Variants in RIMS2 observed in about 807,000 individuals in gnomAD.
RIMS2 encodes regulating synaptic membrane exocytosis 2, also known as regulating synaptic membrane exocytosis protein 2.
A neutral mutation model predicts 174.4 loss-of-function variants in RIMS2; 59 were observed. That is an observed-to-expected ratio of 0.34 (90% CI 0.27 to 0.42). The LOEUF (loss-of-function observed/expected upper bound fraction) is 0.42. RIMS2 is among the 10% of genes least tolerant of loss of function. The pLI, the probability that RIMS2 is intolerant of heterozygous loss-of-function variation, is 1.00. For missense variants in RIMS2, 1,620 were observed against 1,666.3 expected (o/e 0.97, Z 0.48); for synonymous variants, 606 against 572.5 (o/e 1.06, Z -0.84).
chr8:103,754,247 G>C (rs1409573597), intron 2 of RIMS2, among the ~76,000 whole-genome samples: 4 of 152,182 alleles, frequency 2.6e-5, no homozygotes, highest in Non-Finnish European at 5.9e-5. Flanking sequence ...TTTTGAGTGA[G>C]TTTCTTAATC....
At chr8:104,127,095 A>C (rs1224181266) in intron 19 of RIMS2, among the ~76,000 whole-genome samples, 1 of 152,188 alleles carries the variant, frequency 6.6e-6, no homozygotes, top group Non-Finnish European at 1.5e-5. Context: ...AAATGCAGGA[A>C]AATAAATAAT....
At chr8:103,558,541 GC>G (rs1490478585) in intron 1 of RIMS2, among the ~76,000 whole-genome samples, 1 of 152,068 alleles carries the variant, frequency 6.6e-6, no homozygotes, top group East Asian at 1.9e-4. Context: ...TTTATCTTTG[GC>G]CTTTTTAACC....
At chr8:103,766,109 T>C in intron 2 of RIMS2, 118 bp from the exon 6 acceptor site, 2 of 609,028 alleles carry the variant, frequency 3.3e-6, no homozygotes, top group Non-Finnish European at 5.8e-6. Flanking sequence ...ATTAGGATTA[T>C]GTTTTAACTT....
In RIMS2 at chr8:104,029,088, T is replaced by C. The variant is rs117683778; in HGVS notation, c.3334+14473T>C. Reference sequence around the variant, plus strand: ...GACCATATAGGGTAACTTCCTGACATTGCCATGCCATTTGTAAACTGAAAT... The same window carrying C: ...GACCATATAGGGTAACTTCCTGACACTGCCATGCCATTTGTAAACTGAAAT... On this transcript the variant is annotated intron_variant, in intron 19 of 23. Transcript: ENST00000504942. Among the ~76,000 whole-genome samples, 11 of 152,318 alleles carry C rather than the reference T, an allele frequency of 7.2e-5. No homozygotes were observed. The East Asian group carries it at 2.1e-3, about 29-fold the overall frequency.
intron 3 of RIMS2, among the ~76,000 whole-genome samples, chr8:103,787,936 A>G (rs1006371530): frequency 2.0e-5 from 3 of 152,152 alleles, no homozygotes; most frequent in Middle Eastern, 3.4e-3. Flanking sequence ...GTCTTTTCAC[A>G]TAGTCCCATA....
intron 3 of RIMS2, among the ~76,000 whole-genome samples, chr8:103,829,456 A>G (rs1051690925): frequency 6.6e-6 from 1 of 152,244 alleles, no homozygotes; most frequent in Non-Finnish European, 1.5e-5. Context: ...AAAGCATAGA[A>G]TCAACGTAGA....
At chr8:103,696,200 A>G (rs2097098762) in intron 1 of RIMS2, among the ~76,000 whole-genome samples, 1 of 152,018 alleles carries the variant, frequency 6.6e-6, no homozygotes, top group Non-Finnish European at 1.5e-5. Flanking sequence ...AAGTTTATTT[A>G]TATTTGCCTC....
chr8:104,200,508 T>C (rs935470347), intron 19 of RIMS2, among the ~76,000 whole-genome samples: 2 of 152,188 alleles, frequency 1.3e-5, no homozygotes, highest in African/African-American at 4.8e-5. Flanking sequence ...TAGTAAGGTC[T>C]AGGGCAAGGG....
chr8:104,068,501 C>T lies in RIMS2; in HGVS notation c.3334+53886C>T. 8.0e-7 allele frequency: 1 copy of T among 1,244,416 alleles called. No individual in the cohort carries two copies. Among genetic ancestry groups the T allele is most frequent in the Non-Finnish European group, 1.1e-6 (1 of 882,866 alleles). 77.1% of individuals were successfully genotyped at this position (1,244,416 alleles called of 1,614,324 possible). A position where few individuals can be genotyped will look rare whatever the true frequency, so the allele number is the denominator to read the frequency against. On this transcript the variant is annotated intron_variant, in intron 19 of 23. Coordinates refer to ENST00000504942, the Ensembl canonical transcript of RIMS2. ...GAACATTAATTTTATGGGTTTTTTT[C>T]TACTCGATAGGTACTATGGATATAG...
chr8:103,901,362 C>T (rs181436944), intron 4 of RIMS2, among the ~76,000 whole-genome samples: 50 of 152,198 alleles, frequency 3.3e-4, no homozygotes, highest in African/African-American at 1.1e-3. Flanking sequence ...TTCCATGCCT[C>T]AGGTTTCCCT....
intron 19 of RIMS2, chr8:104,223,235 CCCA>C: frequency 3.3e-6 from 1 of 300,010 alleles, no homozygotes; most frequent in Non-Finnish European, 5.0e-6. Flanking sequence ...GAGCCACCAG[CCCA>C]CCGAGGTGCA....
chr8:104,175,383 ATAT>A, intron 19 of RIMS2, among the ~76,000 whole-genome samples: 1 of 152,240 alleles, frequency 6.6e-6, no homozygotes, highest in African/African-American at 2.4e-5. Flanking sequence ...CAGGCATATA[ATAT>A]GTAACAATCA....
chr8:103,919,200 A>G (rs1462587737), intron 9 of RIMS2, among the ~76,000 whole-genome samples: 1 of 152,206 alleles, frequency 6.6e-6, no homozygotes, highest in Non-Finnish European at 1.5e-5. Context: ...TGATCAGGAT[A>G]GACCACACTG....
chr8:103,696,884 A>AC (rs2097109395), intron 1 of RIMS2, among the ~76,000 whole-genome samples: 1 of 151,242 alleles, frequency 6.6e-6, no homozygotes, highest in African/African-American at 2.4e-5. Flanking sequence ...AAAAAAAAAA[A>AC]AGAAGGTAGA....
At chr8:103,603,176 T>A (rs2094850055) in intron 1 of RIMS2, among the ~76,000 whole-genome samples, 1 of 125,886 alleles carries the variant, frequency 7.9e-6, no homozygotes, top group South Asian at 2.5e-4. Flanking sequence ...GTCCCCAGAG[T>A]GTGATATTCC....
intron 19 of RIMS2, among the ~76,000 whole-genome samples, chr8:104,053,185 A>C (rs2096816012): frequency 6.6e-6 from 1 of 152,164 alleles, no homozygotes; most frequent in Non-Finnish European, 1.5e-5. Context: ...AAGTAGAGGG[A>C]GTTCTTGCTA....
rs372650314 is a variant in RIMS2, at chr8:104,057,967, G to A, written c.3334+43352G>A. Among the ~76,000 whole-genome samples the A allele has an allele frequency of 6.6e-5, 10 of 151,910 alleles. No homozygotes were observed. In the East Asian group the frequency reaches 1.4e-3, roughly 21 times the overall value. On this transcript the variant is annotated intron_variant, in intron 19 of 23. Transcript: ENST00000504942. ...CCACATTTTTTTAATCCAGTCTATC[G>A]TTGTTGGACATTTGGGTTGGTTCCA...
intron 3 of RIMS2, among the ~76,000 whole-genome samples, chr8:103,777,625 C>T (rs547684667): frequency 6.6e-6 from 1 of 151,922 alleles, no homozygotes; most frequent in African/African-American, 2.4e-5. Context: ...TCTAAGATAG[C>T]ATATAGTTGA....
intron 1 of RIMS2, among the ~76,000 whole-genome samples, chr8:103,676,576 A>G (rs2096816538): frequency 8.5e-6 from 1 of 117,452 alleles, no homozygotes; most frequent in Admixed American, 9.9e-5. Flanking sequence ...TTGCCTTTTA[A>G]AGTCTTTTTT....
Sources: gnomAD v4.1 joint callset for allele counts (sites outside exome capture counted in the v4.1 genomes callset) on GRCh38, gnomAD v4.1.1 for gene constraint, MANE v1.5 for transcripts, NCBI Gene and HGNC (gene_info 2026-07-23, HGNC 2026-07-21) for gene names.